The following RBFOX3 variants were observed in gnomAD, a reference collection of about 807,000 sequenced individuals.
RBFOX3 encodes the protein RNA binding protein fox-1 homolog 3.
In RBFOX3, 17 loss-of-function variants were observed where a neutral mutation model predicts 48.7. The ratio of observed to expected loss-of-function variants is 0.35; its 90% CI spans 0.24 to 0.52. RBFOX3 has a LOEUF of 0.52. Ranked by LOEUF, RBFOX3 falls within the 20% of genes least tolerant of loss-of-function variation. RBFOX3 has a pLI of 0.94. For synonymous variants in RBFOX3, 212 were observed against 209.5 expected (o/e 1.01, Z -0.10); for missense variants, 382 against 497.5 (o/e 0.77, Z 2.21).
At chr17:79,251,887 C>T (rs1390556397) in intron 3 of RBFOX3, among the ~76,000 whole-genome samples, 1 of 152,196 alleles carries the variant, frequency 6.6e-6, no homozygotes, top group Non-Finnish European at 1.5e-5. Flanking sequence ...CTGAGGAGAG[C>T]GTCTTACAGC....
At chr17:79,359,563 C>T (rs1286293476) in intron 2 of RBFOX3, among the ~76,000 whole-genome samples, 1 of 152,142 alleles carries the variant, frequency 6.6e-6, no homozygotes, top group Non-Finnish European at 1.5e-5. Flanking sequence ...AGGCCAATCA[C>T]ATTTGAACAA....
chr17:79,533,797 T>C (rs554302156), intron 1 of RBFOX3, among the ~76,000 whole-genome samples: 20 of 152,240 alleles, frequency 1.3e-4, no homozygotes, highest in Non-Finnish European at 2.5e-4. Context: ...ACATATTCAC[T>C]GTAGAAAATT....
rs532989568 is a variant in RBFOX3, at chr17:79,250,260, C to A, written c.-73-14455G>T. On this transcript the variant is annotated intron_variant, in intron 3 of 14. Transcript: ENST00000693108. ...CGGTGAACGTCCATCTGCAACTAACCCACATTGACAAGCAGCTAATTTGCA... is the reference window on the plus strand; with the variant it reads ...CGGTGAACGTCCATCTGCAACTAACACACATTGACAAGCAGCTAATTTGCA... 5.3e-4 allele frequency among the ~76,000 whole-genome samples: 81 copies of A among 152,294 alleles called. 1 individual carries two copies. Among genetic ancestry groups the A allele is most frequent in the African/African-American group, 1.9e-3 (78 of 41,570 alleles).
At chr17:79,430,202 C>A (rs115962345) in intron 2 of RBFOX3, among the ~76,000 whole-genome samples, 44 of 151,810 alleles carry the variant, frequency 2.9e-4, no homozygotes, top group African/African-American at 1.0e-3. Flanking sequence ...CCAGTCACTT[C>A]GAGAGCCATT....
intron 14 of RBFOX3, among the ~76,000 whole-genome samples, chr17:79,094,085 G>A (rs931236069): frequency 1.3e-5 from 2 of 152,202 alleles, no homozygotes; most frequent in African/African-American, 4.8e-5. Flanking sequence ...AGCCTCTGCT[G>A]GGAAGGAGAG....
the RBFOX3 span, among the ~76,000 whole-genome samples, chr17:79,645,021 C>G: frequency 6.6e-6 from 1 of 152,164 alleles, no homozygotes; most frequent in South Asian, 2.1e-4. Context: ...TTTCAGGCTT[C>G]GTGTGTAATC....
intron 2 of RBFOX3, among the ~76,000 whole-genome samples, chr17:79,458,064 C>T (rs1404835462): frequency 2.6e-5 from 4 of 152,114 alleles, no homozygotes; most frequent in Admixed American, 6.5e-5. Flanking sequence ...CTTTGCAGGG[C>T]GGGGGACCCG....
At chr17:79,561,250 C>T (rs1455631152) in intron 1 of RBFOX3, among the ~76,000 whole-genome samples, 2 of 152,262 alleles carry the variant, frequency 1.3e-5, no homozygotes, top group East Asian at 1.9e-4. Context: ...AGTTCACCAC[C>T]GTGCTCCAAG....
chr17:79,419,637 C>T (rs377044351), intron 2 of RBFOX3, among the ~76,000 whole-genome samples: 17 of 152,302 alleles, frequency 1.1e-4, no homozygotes, highest in South Asian at 1.0e-3. Context: ...CACCTCTAAA[C>T]GGGAGAAGTG....
intron 10 of RBFOX3, 99 bp downstream of exon 10, chr17:79,097,593 A>G (rs1324413653): frequency 6.4e-6 from 8 of 1,248,252 alleles, no homozygotes; most frequent in Non-Finnish European, 8.4e-6. Context: ...GGGACGGCCC[A>G]CCTGGCCCCG....
intron 2 of RBFOX3, among the ~76,000 whole-genome samples, chr17:79,369,908 C>A (rs1190710444): frequency 6.6e-6 from 1 of 152,186 alleles, no homozygotes; most frequent in East Asian, 1.9e-4. Flanking sequence ...ATTCCAGCTA[C>A]GTCGGTGCAG....
intron 3 of RBFOX3, among the ~76,000 whole-genome samples, chr17:79,280,010 G>GA (rs1434209147): frequency 6.6e-6 from 1 of 151,944 alleles, no homozygotes; most frequent in African/African-American, 2.4e-5. Context: ...TAGTCCAGAG[G>GA]AAAAAAATCA....
chr17:79,317,975 C>T (rs1450035160), intron 2 of RBFOX3, among the ~76,000 whole-genome samples: 2 of 152,244 alleles, frequency 1.3e-5, no homozygotes, highest in South Asian at 2.1e-4. Flanking sequence ...AAGCTTGCCG[C>T]TTCATCATTT....
At chr17:79,372,121 G>C (rs543766777) in intron 2 of RBFOX3, among the ~76,000 whole-genome samples, 1 of 151,928 alleles carries the variant, frequency 6.6e-6, no homozygotes, top group African/African-American at 2.4e-5. Context: ...CTGTGGCCAC[G>C]GCAGCCCTCA....
chr17:79,291,875 C>G (rs1041619655), intron 3 of RBFOX3, among the ~76,000 whole-genome samples: 1 of 152,204 alleles, frequency 6.6e-6, no homozygotes, highest in African/African-American at 2.4e-5. Flanking sequence ...TAGGGCGCCA[C>G]ATGATTTAGC....
intron 1 of RBFOX3, among the ~76,000 whole-genome samples, chr17:79,522,929 CAAAA>C (rs34245309): frequency 0.051 from 1,604 of 31,668 alleles, 11 homozygotes; most frequent in South Asian, 0.14. Flanking sequence ...GACTCCGTCT[CAAAA>C]AAAAAAAAAA....
intron 4 of RBFOX3, among the ~76,000 whole-genome samples, chr17:79,193,909 G>A (rs1255719789): frequency 6.6e-6 from 1 of 152,112 alleles, no homozygotes; most frequent in Admixed American, 6.5e-5. Flanking sequence ...AGGTGTTCCG[G>A]GCTAGGGGAG....
At chr17:79,228,610 A>T (rs1263526871) in intron 4 of RBFOX3, among the ~76,000 whole-genome samples, 1 of 152,204 alleles carries the variant, frequency 6.6e-6, no homozygotes, top group Non-Finnish European at 1.5e-5. Context: ...AGGTTCCGTG[A>T]TGCAGAACTT....
Position 79,138,205 on chromosome 17 carries a change from A to T in RBFOX3, c.-33-22457T>A, listed in dbSNP as rs1487931304. ...AGGAGCAACCTGTACATGCCTGCAC[A>T]CTCACTGCACACATCCGTGTGCAAC... On this transcript the variant is annotated intron_variant, in intron 4 of 14. Transcript: ENST00000693108. 3.3e-5 allele frequency among the ~76,000 whole-genome samples: 5 copies of T among 152,074 alleles called. No individual in the cohort carries two copies. In the East Asian group the frequency reaches 7.7e-4, roughly 23 times the overall value.
Sources: gnomAD v4.1 joint callset for allele counts (sites outside exome capture counted in the v4.1 genomes callset) on GRCh38, gnomAD v4.1.1 for gene constraint, MANE v1.5 for transcripts, NCBI Gene and HGNC (gene_info 2026-07-23, HGNC 2026-07-21) for gene names.